Variants in ADGRL3 observed in about 807,000 individuals in gnomAD.
ADGRL3 encodes adhesion G protein-coupled receptor L3, also known as calcium-independent alpha-latrotoxin receptor 3.
A neutral mutation model predicts 153.5 loss-of-function variants in ADGRL3; 62 were observed. The observed-to-expected ratio is 0.40, with a 90% CI of 0.33 to 0.50. The LOEUF is 0.50. Ranked by LOEUF, ADGRL3 falls within the 20% of genes least tolerant of loss-of-function variation. The pLI, the probability that ADGRL3 is intolerant of heterozygous loss-of-function variation, is 0.47. For synonymous variants in ADGRL3, 710 were observed against 672.5 expected (o/e 1.06, Z -0.86); for missense variants, 1,641 against 1,859.4 (o/e 0.88, Z 2.16).
intron 5 of ADGRL3, among the ~76,000 whole-genome samples, chr4:61,635,264 A>G (rs989643615): frequency 3.3e-5 from 5 of 152,144 alleles, no homozygotes; most frequent in African/African-American, 1.2e-4. Flanking sequence ...CTAAAGCCTG[A>G]GAGCAATGGA....
intron 9 of ADGRL3, among the ~76,000 whole-genome samples, chr4:61,887,207 A>T (rs1442670862): frequency 1.3e-5 from 2 of 151,456 alleles, no homozygotes; most frequent in Non-Finnish European, 2.9e-5. Flanking sequence ...TCTCTTATTA[A>T]TTTTTTTTAG....
intron 4 of ADGRL3, among the ~76,000 whole-genome samples, chr4:61,570,403 A>C (rs1033772683): frequency 6.6e-6 from 1 of 152,058 alleles, no homozygotes; most frequent in Non-Finnish European, 1.5e-5. Context: ...TATTCCATCT[A>C]TCTGGGTGAT....
At chr4:61,971,502 G>T (rs1339720958) in intron 17 of ADGRL3, among the ~76,000 whole-genome samples, 1 of 151,926 alleles carries the variant, frequency 6.6e-6, no homozygotes, top group East Asian at 1.9e-4. Flanking sequence ...ATTTTTTATG[G>T]CTGCATAGTA....
chr4:61,598,439 T>C (rs755140527), intron 5 of ADGRL3, among the ~76,000 whole-genome samples: 2 of 152,184 alleles, frequency 1.3e-5, no homozygotes, highest in Non-Finnish European at 2.9e-5. Flanking sequence ...TGTAATTCAT[T>C]ATAAAATAAT....
At chr4:61,297,461 T>C (rs991710662) in intron 1 of ADGRL3, among the ~76,000 whole-genome samples, 1 of 152,138 alleles carries the variant, frequency 6.6e-6, no homozygotes, top group Non-Finnish European at 1.5e-5. Flanking sequence ...ATGTTGAAAA[T>C]AAATTTTTAA....
At chr4:61,692,236 T>G (rs2095552229) in intron 6 of ADGRL3, among the ~76,000 whole-genome samples, 1 of 152,098 alleles carries the variant, frequency 6.6e-6, no homozygotes, top group South Asian at 2.1e-4. Context: ...GGATTTTTAT[T>G]TTAAACATAA....
intron 25 of ADGRL3, among the ~76,000 whole-genome samples, chr4:62,060,244 C>G (rs1739345414): frequency 6.6e-6 from 1 of 151,756 alleles, no homozygotes; most frequent in Non-Finnish European, 1.5e-5. Flanking sequence ...GTATTTAAGA[C>G]AAAGAAATAT....
intron 13 of ADGRL3, among the ~76,000 whole-genome samples, chr4:61,932,879 T>A: frequency 6.6e-6 from 1 of 152,154 alleles, no homozygotes; most frequent in East Asian, 1.9e-4. Context: ...TCAGAATTTC[T>A]ATTTTTTCCT....
chr4:61,225,705 T>C (rs921295277), intron 1 of ADGRL3, among the ~76,000 whole-genome samples: 9 of 152,184 alleles, frequency 5.9e-5, no homozygotes, highest in Non-Finnish European at 1.5e-5. Context: ...TTCCTTCTGC[T>C]CTTTCAGTGA....
chr4:61,381,678 A>G (rs1385080017), intron 1 of ADGRL3, among the ~76,000 whole-genome samples: 1 of 152,018 alleles, frequency 6.6e-6, no homozygotes, highest in Non-Finnish European at 1.5e-5. Flanking sequence ...AAACCTGTAG[A>G]GAACAACCCA....
intron 1 of ADGRL3, among the ~76,000 whole-genome samples, chr4:61,279,613 G>A (rs1263371563): frequency 6.6e-6 from 1 of 152,110 alleles, no homozygotes; most frequent in Admixed American, 6.5e-5. Context: ...ATGTATAAAA[G>A]TGATACAATC....
At chr4:61,992,746 T>C (rs1406928920) in intron 19 of ADGRL3, among the ~76,000 whole-genome samples, 1 of 152,228 alleles carries the variant, frequency 6.6e-6, no homozygotes, top group Non-Finnish European at 1.5e-5. Context: ...AAAATAATCA[T>C]TTTGAAATGC....
At chr4:61,274,067 G>A (rs2093341347) in intron 1 of ADGRL3, among the ~76,000 whole-genome samples, 1 of 152,084 alleles carries the variant, frequency 6.6e-6, no homozygotes, top group African/African-American at 2.4e-5. Flanking sequence ...CATAATAAAT[G>A]AGCAAAGGAT....
Position 61,856,950 on chromosome 4 carries a change from CTCTTTCTTTCTTTCTT to C in ADGRL3, c.1481-35655_1481-35640del, listed in dbSNP as rs55713412. The stretch of plus-strand genomic sequence containing the variant: ...CCCTCCCTCCTCCCTCTTTCTTCTT[CTCTTTCTTTCTTTCTT>C]TCTTTCTTTCTTTCTTTCTTTCTTT... On this transcript the variant is annotated intron_variant, in intron 9 of 26. Transcript: ENST00000683033. Among the ~76,000 whole-genome samples the C allele has an allele frequency of 9.1e-3, 516 of 56,982 alleles. 2 individuals carry two copies. Among genetic ancestry groups the C allele is most frequent in the East Asian group, 0.034 (76 of 2,220 alleles). The allele number at this position is 56,982 out of a possible 152,430, so 37.4% of individuals were successfully genotyped here.
chr4:61,986,367 A>C (rs2099085586), intron 19 of ADGRL3, among the ~76,000 whole-genome samples: 1 of 151,918 alleles, frequency 6.6e-6, no homozygotes, highest in Admixed American at 6.6e-5. Flanking sequence ...GAACTCATTC[A>C]ATTTGTTTTG....
At chr4:61,896,250 T>C (rs995151866) in intron 11 of ADGRL3, among the ~76,000 whole-genome samples, 2 of 151,320 alleles carry the variant, frequency 1.3e-5, no homozygotes, top group African/African-American at 4.9e-5. Flanking sequence ...TTATCAATGA[T>C]AAAAATATAC....
intron 19 of ADGRL3, among the ~76,000 whole-genome samples, chr4:61,987,733 C>CT (rs1413458808): frequency 2.6e-5 from 4 of 151,930 alleles, no homozygotes; most frequent in African/African-American, 9.7e-5. Context: ...TCTTGGAAAT[C>CT]TTTTTTACTT....
chr4:62,047,060 A>G (rs1207569928), intron 25 of ADGRL3, among the ~76,000 whole-genome samples: 2 of 152,018 alleles, frequency 1.3e-5, no homozygotes, highest in Non-Finnish European at 2.9e-5. Context: ...TCAAAAGATT[A>G]TATTCTCTAT....
chr4:61,240,605 T>C (rs1445851703), intron 1 of ADGRL3, among the ~76,000 whole-genome samples: 2 of 152,262 alleles, frequency 1.3e-5, no homozygotes, highest in African/African-American at 2.4e-5. Flanking sequence ...TGAATAGGTG[T>C]CAGTTTTCTA....
Sources: allele counts gnomAD v4.1 joint callset (sites outside exome capture counted in the v4.1 genomes callset), GRCh38; gene constraint gnomAD v4.1.1; transcripts MANE v1.5; gene names NCBI Gene and HGNC (gene_info 2026-07-23, HGNC 2026-07-21).